The following LHX4 variants were observed in gnomAD, a reference collection of about 807,000 sequenced individuals.
LHX4 encodes LIM/homeobox protein Lhx4.
In LHX4, 16 loss-of-function variants were observed where a neutral mutation model predicts 39.2. The ratio of observed to expected loss-of-function variants is 0.41; its 90% CI spans 0.28 to 0.62. LHX4 has a LOEUF of 0.62. Among genes scored for constraint, LHX4 ranks in the 20% least tolerant of loss-of-function variants. LHX4 has a pLI of 0.33. For missense variants in LHX4, 439 were observed against 511.9 expected (o/e 0.86, Z 1.37); for synonymous variants, 206 against 198.1 (o/e 1.04, Z -0.33).
At chr1:180,273,262 AG>A (rs1163293980) in intron 5 of LHX4, 1 of 152,276 alleles carries the variant, frequency 6.6e-6, no homozygotes, top group African/African-American at 2.4e-5. Flanking sequence ...AGGTCAGCTG[AG>A]CCCTAGAGGG....
At chr1:180,271,240 C>T in intron 3 of LHX4, 140 bp from the exon 4 acceptor site, 9 of 924,498 alleles carry the variant, frequency 9.7e-6, no homozygotes, top group South Asian at 6.6e-5. Flanking sequence ...GACCTCTCCA[C>T]TCTGATGTCC....
intron 2 of LHX4, among the ~76,000 whole-genome samples, chr1:180,262,793 CTCATTCGT>C (rs1369826803): frequency 6.6e-6 from 1 of 152,096 alleles, no homozygotes. Context: ...CATTCGTTTG[CTCATTCGT>C]TCATTCATTC....
At chr1:180,245,898 AACCC>A (rs1256645943) in intron 1 of LHX4, among the ~76,000 whole-genome samples, 1 of 152,156 alleles carries the variant, frequency 6.6e-6, no homozygotes, top group Non-Finnish European at 1.5e-5. Flanking sequence ...ACTGGGTGGA[AACCC>A]CTGTGGCCGT....
chr1:180,249,472 C>T (rs908142375), intron 2 of LHX4, among the ~76,000 whole-genome samples: 7 of 152,226 alleles, frequency 4.6e-5, no homozygotes, highest in African/African-American at 1.2e-4. Flanking sequence ...GGATCAGTGA[C>T]GCTGAGCCCT....
At chr1:180,230,063 C>T (rs1309970557), upstream of LHX4, among the ~76,000 whole-genome samples, 3 of 151,442 alleles carry the variant, frequency 2.0e-5, no homozygotes, top group Non-Finnish European at 4.4e-5. This position sits in a 1 kb window ranked among gnomAD's most constrained non-coding sequence, Gnocchi z 5.8. Context: ...GACCCCCACT[C>T]CCTCCGGGGT....
upstream of LHX4, among the ~76,000 whole-genome samples, chr1:180,228,636 G>T (rs543287500): frequency 3.3e-5 from 5 of 152,122 alleles, no homozygotes; most frequent in South Asian, 1.0e-3. Flanking sequence ...ATATTGTCTC[G>T]CGCGCGGAGT....
chr1:180,272,769 T>C (rs1480654154), intron 5 of LHX4: 2 of 152,216 alleles, frequency 1.3e-5, no homozygotes, highest in Non-Finnish European at 2.9e-5. Context: ...TCAAATCGAT[T>C]CACTTCTCTT....
At position 180,276,383 on chromosome 1, in the gene LHX4, C is replaced by T. The variant is rs1415596887; in HGVS notation, c.*1804C>T. ...TTAAAACAGTAAATTCCGGGATCAG[C>T]CTTCGGGCCCTCTTCTCTGACCAAT... On this transcript the variant is annotated 3_prime_UTR_variant, in exon 6 of 6. Coordinates refer to ENST00000263726, the MANE Select transcript of LHX4 (RefSeq NM_033343.4). 3 of 152,236 alleles carry T rather than the reference C, an allele frequency of 2.0e-5. No individual in the cohort carries two copies. The highest frequency in any genetic ancestry group is 7.2e-5 in the African/African-American group (3 of 41,444). The allele number at this position is 152,236 out of a possible 1,614,324, so 9.4% of individuals were successfully genotyped here.
intron 1 of LHX4, among the ~76,000 whole-genome samples, chr1:180,242,381 T>G (rs374826485): frequency 4.6e-5 from 7 of 152,302 alleles, no homozygotes; most frequent in African/African-American, 1.4e-4. Context: ...GGAATGTATG[T>G]GTCTCAAGGT....
At chr1:180,260,588 C>T (rs78673033) in intron 2 of LHX4, among the ~76,000 whole-genome samples, 3,039 of 151,870 alleles carry the variant, frequency 0.02, 215 homozygotes, top group African/African-American at 0.071. Context: ...GAGAGTCAGC[C>T]GAGAAGTCTC....
intron 2 of LHX4, among the ~76,000 whole-genome samples, chr1:180,259,091 G>T (rs1036490156): frequency 6.6e-6 from 1 of 152,102 alleles, no homozygotes; most frequent in Non-Finnish European, 1.5e-5. Flanking sequence ...GAGATCCCCA[G>T]GGGAGCGGGG....
At chr1:180,229,967 G>GGGGGC (rs1664131228), upstream of LHX4, among the ~76,000 whole-genome samples, 1 of 126,534 alleles carries the variant, frequency 7.9e-6, no homozygotes, top group African/African-American at 3.2e-5. Context: ...GGCGGGGAGG[G>GGGGGC]GGGGGGGGTG....
At chr1:180,238,248 T>G (rs1192355378) in intron 1 of LHX4, among the ~76,000 whole-genome samples, 1 of 152,138 alleles carries the variant, frequency 6.6e-6, no homozygotes, top group East Asian at 1.9e-4. Flanking sequence ...CAAAGGAGAT[T>G]TTCAAAGGCA....
chr1:180,245,548 G>C (rs1647350845), intron 1 of LHX4, among the ~76,000 whole-genome samples: 1 of 152,216 alleles, frequency 6.6e-6, no homozygotes, highest in Non-Finnish European at 1.5e-5. Context: ...CATCTCTGCA[G>C]GGATTCTTAT....
chr1:180,233,666 C>T (rs192014883), intron 1 of LHX4, among the ~76,000 whole-genome samples: 102 of 152,284 alleles, frequency 6.7e-4, no homozygotes, highest in African/African-American at 2.3e-3. Flanking sequence ...GACCCATCTG[C>T]CATGTAGTCT....
intron 3 of LHX4, chr1:180,270,890 GTGAGCCCAGC>G: frequency 4.8e-6 from 1 of 209,874 alleles, no homozygotes; most frequent in Non-Finnish European, 9.9e-6. Flanking sequence ...ACCCCTGGCT[GTGAGCCCAGC>G]GACGCCAGGG....
intron 2 of LHX4, among the ~76,000 whole-genome samples, chr1:180,264,007 A>G (rs1040122360): frequency 1.2e-4 from 18 of 152,336 alleles, no homozygotes; most frequent in African/African-American, 4.3e-4. Context: ...TCTGTTGCCC[A>G]GGCTGGAGTG....
intron 2 of LHX4, among the ~76,000 whole-genome samples, chr1:180,265,361 G>A (rs901694747): frequency 8.5e-5 from 13 of 152,130 alleles, no homozygotes; most frequent in Non-Finnish European, 1.5e-4. Flanking sequence ...AGCGGGGAAG[G>A]CTCACCTGCA....
At chr1:180,245,920 C>T (rs957793869) in intron 1 of LHX4, among the ~76,000 whole-genome samples, 3 of 151,942 alleles carry the variant, frequency 2.0e-5, no homozygotes, top group African/African-American at 4.8e-5. Context: ...CGTCATTGTT[C>T]AGTACTTTGC....
Sources: allele counts gnomAD v4.1 joint callset (sites outside exome capture counted in the v4.1 genomes callset), GRCh38; gene constraint gnomAD v4.1.1; non-coding constraint Gnocchi (gnomAD v3.1); transcripts MANE v1.5; gene names NCBI Gene and HGNC (gene_info 2026-07-23, HGNC 2026-07-21).